The following ELP2 variants were observed in gnomAD, a reference collection of about 807,000 sequenced individuals.
The protein encoded by ELP2 is elongator complex protein 2.
In ELP2, 90 loss-of-function variants were observed where a neutral mutation model predicts 119.2. The ratio of observed to expected loss-of-function variants is 0.75; its 90% CI spans 0.64 to 0.90. ELP2 has a LOEUF of 0.90. Among genes scored for constraint, ELP2 ranks in the 40% least tolerant of loss-of-function variants. The pLI is 0.00. For missense variants in ELP2, 921 were observed against 967.8 expected (o/e 0.95, Z 0.64); for synonymous variants, 339 against 331.0 (o/e 1.02, Z -0.26).
rs760437958 is a variant in ELP2, at chr18:36,142,969, G to T, written c.796+3G>T. The T allele has an allele frequency of 3.1e-5, 49 of 1,575,034 alleles. No individual in the cohort carries two copies. Among genetic ancestry groups the T allele is most frequent in the Non-Finnish European group, 4.2e-5 (48 of 1,150,390 alleles). ...TACTTTTACCATAGAAAATGAAAGT[G>T]AGTAATAATGAAAATATCCAATATA... On this transcript the variant is annotated splice_donor_region_variant and intron_variant, in intron 8 of 21. Transcript: ENST00000358232.
chr18:36,154,616 T>C (rs983607192), intron 11 of ELP2, among the ~76,000 whole-genome samples: 1 of 152,228 alleles, frequency 6.6e-6, no homozygotes, highest in African/African-American at 2.4e-5. Context: ...AAATGATGAA[T>C]GGAGGGAAAT....
chr18:36,171,566 T>C (rs2091082928), intron 21 of ELP2, among the ~76,000 whole-genome samples: 1 of 152,208 alleles, frequency 6.6e-6, no homozygotes, highest in Admixed American at 6.5e-5. Flanking sequence ...GATCCTATAG[T>C]GGAGCTTTCA....
chr18:36,171,672 C>T (rs2091085638), intron 21 of ELP2, among the ~76,000 whole-genome samples: 1 of 152,178 alleles, frequency 6.6e-6, no homozygotes, highest in Admixed American at 6.5e-5. Context: ...TCCCACCCAC[C>T]TAGACAGTAG....
In ELP2 at chr18:36,177,430, A is replaced by G. The variant is rs1206824858; in HGVS notation, c.*2789A>G. The G allele has an allele frequency of 1.3e-5, 2 of 152,226 alleles. No individual in the cohort carries two copies. The highest frequency in any genetic ancestry group is 2.4e-5 in the African/African-American group (1 of 41,452). 9.4% of individuals were successfully genotyped at this position (152,226 alleles called of 1,614,324 possible). A position where few individuals can be genotyped will look rare whatever the true frequency, so the allele number is the denominator to read the frequency against. ...TGGAAGACAAATACTCTATGCTTCC[A>G]TTTATGTGAAGTATCTAGAGCAGTC... On this transcript the variant is annotated 3_prime_UTR_variant, in exon 22 of 22. Transcript: ENST00000358232.
chr18:36,141,835 C>G (rs920682514), intron 6 of ELP2, among the ~76,000 whole-genome samples: 1 of 151,678 alleles, frequency 6.6e-6, no homozygotes, highest in Non-Finnish European at 1.5e-5. Context: ...AGACCACAGG[C>G]GTGTATCACC....
Position 36,146,326 on chromosome 18 carries a change from T to C in ELP2, c.1070T>C (p.Ile357Thr). 2 of 1,613,912 alleles carry C rather than the reference T, an allele frequency of 1.2e-6. No homozygotes were observed. Among genetic ancestry groups the C allele is most frequent in the Non-Finnish European group, 1.7e-6 (2 of 1,179,778 alleles). ...CQFNEDGSMI[I>T]AHAFHGALHL... ...TTCAATGAAGATGGCTCCATGATCA[T>C]TGCTCATGCTTTCCACGGAGCGTTG... The change falls in exon 11 of 22, where the codon ATT becomes ACT. Residue 357 changes from isoleucine (I) to threonine (T), a missense_variant. Coordinates refer to ENST00000358232, the MANE Select transcript of ELP2 (RefSeq NM_018255.4).
At chr18:36,140,704 A>G (rs1171087306) in intron 5 of ELP2, among the ~76,000 whole-genome samples, 1 of 152,182 alleles carries the variant, frequency 6.6e-6, no homozygotes, top group Non-Finnish European at 1.5e-5. Flanking sequence ...AACAAAACAT[A>G]AAGTCCTCAA....
rs1390417925 is a variant in ELP2, at chr18:36,139,358, T to C, written c.523+486T>C. 9 of 1,462,442 alleles carry C rather than the reference T, an allele frequency of 6.2e-6. No individual in the cohort carries two copies. In the African/African-American group the frequency reaches 7.0e-5, roughly 11 times the overall value. 90.6% of individuals were successfully genotyped at this position (1,462,442 alleles called of 1,614,324 possible). On this transcript the variant is annotated intron_variant, in intron 5 of 21. Coordinates refer to ENST00000358232, the MANE Select transcript of ELP2 (RefSeq NM_018255.4). ...CTGTGAAACCCATCTGTATTTATCT[T>C]TGAGTATCTTCTACAAAGATAATAG...
intron 1 of ELP2, 128 bp from the exon 2 acceptor site, chr18:36,133,110 G>A: frequency 1.3e-5 from 9 of 707,568 alleles, no homozygotes; most frequent in Non-Finnish European, 2.3e-5. Context: ...GATTGAAGAA[G>A]GCAAATCTGT....
In ELP2 at chr18:36,167,127, A is replaced by AC; in HGVS notation, c.1983dup (p.Asn662GlnfsTer9). On this transcript the variant is annotated frameshift_variant, in exon 19 of 22. Transcript: ENST00000358232. LOFTEE classifies it high-confidence loss of function. ...GCCAGTTTTTAGTCTTTTTGCCTTC[A>AC]CCAACAAAATTACTTCTGTGCACAG... The AC allele has an allele frequency of 6.3e-7, 1 of 1,599,900 alleles. No individual in the cohort carries two copies. The highest frequency in any genetic ancestry group is 8.5e-7 in the Non-Finnish European group (1 of 1,173,326).
chr18:36,146,607 A>T (rs572440243), intron 11 of ELP2, among the ~76,000 whole-genome samples: 55 of 152,178 alleles, frequency 3.6e-4, no homozygotes, highest in African/African-American at 1.3e-3. Context: ...TTTAATGATA[A>T]TTTTTCTGAA....
intron 19 of ELP2, among the ~76,000 whole-genome samples, chr18:36,169,169 A>G (rs888760774): frequency 2.0e-5 from 3 of 150,884 alleles, no homozygotes; most frequent in Non-Finnish European, 4.4e-5. Context: ...CAAGCAGTCC[A>G]CCCATCTCGA....
At chr18:36,136,917 A>G (rs1165868829) in intron 3 of ELP2, among the ~76,000 whole-genome samples, 1 of 152,134 alleles carries the variant, frequency 6.6e-6, no homozygotes, top group African/African-American at 2.4e-5. Context: ...CTGTCATGTT[A>G]TGTTTTTAAA....
rs374867740 is a variant in ELP2, at chr18:36,158,863, C to T, written c.1493C>T (p.Thr498Ile). 1.2e-6 allele frequency: 2 copies of T among 1,610,976 alleles called. No homozygotes were observed. The highest frequency in any genetic ancestry group is 2.7e-5 in the African/African-American group (2 of 74,890). ...NQDSDLPEGA[T>I]VPALGLSNKA... Reference sequence around the variant, plus strand: ...GATAGTGATCTTCCAGAAGGAGCCACTGTCCCTGCATTGGGATTATCAAAT... The same window carrying T: ...GATAGTGATCTTCCAGAAGGAGCCATTGTCCCTGCATTGGGATTATCAAAT... The change falls in exon 14 of 22, where the codon ACT (threonine) becomes ATT (isoleucine). Residue 498 changes from threonine to isoleucine, a missense_variant. By Grantham distance (89) the Thr-to-Ile change is moderately conservative (BLOSUM62 -1). Coordinates refer to ENST00000358232, the MANE Select transcript of ELP2 (RefSeq NM_018255.4).
chr18:36,174,565 C>T lies in ELP2; in HGVS notation c.2405C>T (p.Ala802Val), dbSNP rs2091176819. The T allele has an allele frequency of 6.2e-7, 1 of 1,614,078 alleles. No homozygotes were observed. Among genetic ancestry groups the T allele is most frequent in the South Asian group, 1.1e-5 (1 of 91,076 alleles). Reference sequence around the variant, plus strand: ...ACTGAACAGAAGGAAGCAGAAGGTGCTGAGTGGTTACACTTTGCAAGCTGT... The same window carrying T: ...ACTGAACAGAAGGAAGCAGAAGGTGTTGAGTGGTTACACTTTGCAAGCTGT... ...GKTEQKEAEG[A>V]EWLHFASCGE... is the part of the protein sequence containing the mutation. The change falls in exon 22 of 22, where the codon GCT becomes GTT. Residue 802 changes from alanine (A) to valine (V), a missense_variant. Ala to Val is a moderately conservative substitution (Grantham distance 64). Coordinates refer to ENST00000358232, the MANE Select transcript of ELP2 (RefSeq NM_018255.4).
rs536379372 is a variant in ELP2, at chr18:36,134,359, C to T, written c.217+1043C>T. On this transcript the variant is annotated intron_variant, in intron 2 of 21. Transcript: ENST00000358232. ...AGCCACATGATGTATGATACTGCAG[C>T]AGATTAAATACAGAAGCAGATATGA... Among the ~76,000 whole-genome samples the T allele has an allele frequency of 2.4e-4, 36 of 152,232 alleles. 1 individual carries two copies. Among genetic ancestry groups the T allele is most frequent in the Non-Finnish European group, 4.7e-4 (32 of 68,012 alleles).
chr18:36,157,710 A>G (rs1168216750), intron 13 of ELP2, among the ~76,000 whole-genome samples: 1 of 152,218 alleles, frequency 6.6e-6, no homozygotes, highest in Non-Finnish European at 1.5e-5. Flanking sequence ...CCTGGAATGT[A>G]TACTCAGCAC....
In ELP2 at chr18:36,176,580, C is replaced by T. The variant is rs1416247231; in HGVS notation, c.*1939C>T. 6.6e-6 allele frequency: 1 copy of T among 152,232 alleles called. No homozygotes were observed. Among genetic ancestry groups the T allele is most frequent in the Non-Finnish European group, 1.5e-5 (1 of 68,056 alleles). The allele number at this position is 152,232 out of a possible 1,614,324, so 9.4% of individuals were successfully genotyped here. A position where few individuals can be genotyped will look rare whatever the true frequency, so the allele number is the denominator to read the frequency against. On this transcript the variant is annotated 3_prime_UTR_variant, in exon 22 of 22. Transcript: ENST00000358232. ...TTCCCAAATTGTCCTCAAGCATCTT[C>T]CTCTGGAATCACCTTACTGTTTAGT...
intron 18 of ELP2, chr18:36,164,903 C>T (rs1056088242): frequency 9.4e-6 from 5 of 531,228 alleles, no homozygotes; most frequent in African/African-American, 7.6e-5. Context: ...AGATGGCATG[C>T]ATTCAGATAT....
Sources: gnomAD v4.1 joint callset for allele counts (sites outside exome capture counted in the v4.1 genomes callset) on GRCh38, gnomAD v4.1.1 for gene constraint, MANE v1.5 for transcripts, NCBI Gene and HGNC (gene_info 2026-07-23, HGNC 2026-07-21) for gene names.